The following TTC28 variants were observed in gnomAD, a reference collection of about 807,000 sequenced individuals.
The protein encoded by TTC28 is tetratricopeptide repeat protein 28.
Under a neutral mutation model 198.0 loss-of-function variants are expected in TTC28, and 61 were observed. That is an observed-to-expected ratio of 0.31 (90% CI 0.25 to 0.38). The LOEUF (loss-of-function observed/expected upper bound fraction) is 0.38. Among genes scored for constraint, TTC28 ranks in the 10% least tolerant of loss-of-function variants. The pLI is 1.00. For missense variants in TTC28, 2,678 were observed against 3,164.0 expected (o/e 0.85, Z 3.69); for synonymous variants, 1,171 against 1,297.8 (o/e 0.90, Z 2.10).
At chr22:28,517,909 ATTTT>A (rs964187707) in intron 2 of TTC28, among the ~76,000 whole-genome samples, 5 of 152,020 alleles carry the variant, frequency 3.3e-5, no homozygotes, top group Non-Finnish European at 7.4e-5. Flanking sequence ...CGAAGTTTTA[ATTTT>A]TTTAACATTT....
chr22:28,185,784 C>T (rs915537859), intron 5 of TTC28, among the ~76,000 whole-genome samples: 1 of 152,078 alleles, frequency 6.6e-6, no homozygotes, highest in Non-Finnish European at 1.5e-5. Context: ...CCCACAGGAT[C>T]CTCAGAAGTA....
intron 5 of TTC28, among the ~76,000 whole-genome samples, chr22:28,211,305 G>A (rs1371047712): frequency 1.3e-5 from 2 of 152,060 alleles, no homozygotes; most frequent in Non-Finnish European, 1.5e-5. Context: ...ATGTAAATGG[G>A]TTAAATGCTC....
intron 1 of TTC28, among the ~76,000 whole-genome samples, chr22:28,631,607 T>C (rs545447484): frequency 6.6e-6 from 1 of 152,052 alleles, no homozygotes; most frequent in African/African-American, 2.4e-5. Context: ...CACTGCAGCC[T>C]CAAACCTTCT....
chr22:28,619,049 T>A (rs2050948350), intron 2 of TTC28, among the ~76,000 whole-genome samples: 1 of 152,058 alleles, frequency 6.6e-6, no homozygotes, highest in Non-Finnish European at 1.5e-5. Flanking sequence ...ATTAAAAAAC[T>A]TATAAAGCTA....
At chr22:28,103,659 A>G (rs1158254200) in intron 8 of TTC28, among the ~76,000 whole-genome samples, 1 of 152,206 alleles carries the variant, frequency 6.6e-6, no homozygotes, top group Non-Finnish European at 1.5e-5. Context: ...CAAGACAGAC[A>G]CTGTAGAGAT....
intron 6 of TTC28, among the ~76,000 whole-genome samples, chr22:28,132,918 A>G (rs1229435457): frequency 6.6e-6 from 1 of 152,228 alleles, no homozygotes; most frequent in East Asian, 1.9e-4. Flanking sequence ...ATGAGATAAT[A>G]TAAATATATG....
chr22:28,357,318 T>A (rs1248826708), intron 2 of TTC28, among the ~76,000 whole-genome samples: 4 of 144,880 alleles, frequency 2.8e-5, no homozygotes, highest in Non-Finnish European at 4.5e-5. Context: ...ATTTCTTATT[T>A]TTTTTTTTTT....
In TTC28 at chr22:28,018,422, C is replaced by T. The variant is rs182160098; in HGVS notation, c.4074-4030G>A. Reference sequence around the variant, plus strand: ...ACCAAAAAACCAACCAACCTGCAACCGTGATTTGAGGTCAAAGTAAATCCA... The same window carrying T: ...ACCAAAAAACCAACCAACCTGCAACTGTGATTTGAGGTCAAAGTAAATCCA... On this transcript the variant is annotated intron_variant, in intron 13 of 22. Transcript: ENST00000397906. 9.5e-4 allele frequency among the ~76,000 whole-genome samples: 145 copies of T among 152,270 alleles called. 1 individual carries two copies. Among genetic ancestry groups the T allele is most frequent in the African/African-American group, 3.4e-3 (142 of 41,560 alleles).
chr22:28,671,468 T>C (rs2051882141), intron 1 of TTC28, among the ~76,000 whole-genome samples: 1 of 151,580 alleles, frequency 6.6e-6, no homozygotes, highest in Admixed American at 6.6e-5. Flanking sequence ...ACCCCATCTC[T>C]ACTAAAAATA....
chr22:28,583,503 A>G (rs2050261782), intron 2 of TTC28, among the ~76,000 whole-genome samples: 1 of 152,200 alleles, frequency 6.6e-6, no homozygotes, highest in Non-Finnish European at 1.5e-5. Context: ...TAAGAAAACA[A>G]CACAGTTTTA....
chr22:28,255,625 G>A (rs1254315199), intron 5 of TTC28, among the ~76,000 whole-genome samples: 1 of 151,388 alleles, frequency 6.6e-6, no homozygotes, highest in East Asian at 1.9e-4. Flanking sequence ...AGATTGCGGT[G>A]AGCTGAGATC....
intron 2 of TTC28, among the ~76,000 whole-genome samples, chr22:28,495,594 A>G (rs1381872020): frequency 1.3e-5 from 2 of 151,038 alleles, no homozygotes; most frequent in African/African-American, 4.8e-5. Flanking sequence ...CAAAAACAAT[A>G]AAGAAACTAT....
At chr22:28,419,240 A>G (rs1306541622) in intron 2 of TTC28, among the ~76,000 whole-genome samples, 1 of 151,932 alleles carries the variant, frequency 6.6e-6, no homozygotes, top group Non-Finnish European at 1.5e-5. Flanking sequence ...AATTCTATCC[A>G]TTTTTCATGA....
rs1335497365 is a variant in TTC28 at position 28,470,648 on chromosome 22, A to AGCATGC, written c.381+158898_381+158903dup. ...CTAATATAACTGCATAAACTGAATCAGCATGCGTTTTTTGACAAAATAATG... is the reference window on the plus strand; with the variant it reads ...CTAATATAACTGCATAAACTGAATCAGCATGCGCATGCGTTTTTTGACAAAATAATG... On this transcript the variant is annotated intron_variant, in intron 2 of 22. Transcript: ENST00000397906. Among the ~76,000 whole-genome samples the AGCATGC allele has an allele frequency of 3.3e-5, 5 of 152,340 alleles. No homozygotes were observed. In the South Asian group the frequency reaches 1.0e-3, roughly 32 times the overall value.
At chr22:28,472,837 C>T (rs1023010682) in intron 2 of TTC28, among the ~76,000 whole-genome samples, 1 of 151,978 alleles carries the variant, frequency 6.6e-6, no homozygotes, top group Non-Finnish European at 1.5e-5. Flanking sequence ...TCACATCAAG[C>T]CATAGTAACA....
chr22:28,423,500 T>A (rs2047296047), intron 2 of TTC28, among the ~76,000 whole-genome samples: 1 of 152,214 alleles, frequency 6.6e-6, no homozygotes, highest in Non-Finnish European at 1.5e-5. Context: ...TATGATAAAA[T>A]TTTAAGTAAT....
intron 12 of TTC28, among the ~76,000 whole-genome samples, chr22:28,032,211 TATATATAAA>T (rs1939136105): frequency 8.6e-6 from 1 of 116,684 alleles, no homozygotes; most frequent in East Asian, 2.2e-4. Context: ...ATAAAATATA[TATATATAAA>T]ATATATATAT....
chr22:28,576,596 A>C (rs183356572), intron 2 of TTC28, among the ~76,000 whole-genome samples: 36 of 152,232 alleles, frequency 2.4e-4, no homozygotes, highest in Non-Finnish European at 4.4e-4. Context: ...AAAATTCAGC[A>C]GTTAAGCCAT....
At chr22:28,638,571 G>A (rs2051312563) in intron 1 of TTC28, among the ~76,000 whole-genome samples, 3 of 151,994 alleles carry the variant, frequency 2.0e-5, no homozygotes, top group Admixed American at 2.0e-4. Flanking sequence ...TCTTAGTATG[G>A]ATAAAGCTCC....
Sources: allele counts gnomAD v4.1 joint callset (sites outside exome capture counted in the v4.1 genomes callset), GRCh38; gene constraint gnomAD v4.1.1; transcripts MANE v1.5; gene names NCBI Gene and HGNC (gene_info 2026-07-23, HGNC 2026-07-21).